The following DIAPH2 variants were observed in gnomAD, a reference collection of about 807,000 sequenced individuals.
DIAPH2 encodes the protein protein diaphanous homolog 2.
Under a neutral mutation model 92.7 loss-of-function variants are expected in DIAPH2, and 35 were observed. That is an observed-to-expected ratio of 0.38 (90% CI 0.29 to 0.50). The LOEUF (loss-of-function observed/expected upper bound fraction) is 0.50, where lower values mean the gene tolerates loss of function less well. Among genes scored for constraint, DIAPH2 ranks in the 20% least tolerant of loss-of-function variants. The pLI is 0.94. For synonymous variants in DIAPH2, 301 were observed against 280.4 expected (o/e 1.07, Z -0.73); for missense variants, 701 against 819.5 (o/e 0.86, Z 1.77).
chrX:96,824,261 T>G (rs1170849430), intron 4 of DIAPH2, among the ~76,000 whole-genome samples: 1 of 111,119 alleles, frequency 9.0e-6, no homozygotes, highest in Non-Finnish European at 1.9e-5. Flanking sequence ...GGGAAACAAT[T>G]GCAAACAGAT....
chrX:97,142,217 T>C (rs1437147574), intron 22 of DIAPH2, among the ~76,000 whole-genome samples: 1 of 111,462 alleles, frequency 9.0e-6, no homozygotes, highest in African/African-American at 3.3e-5. Flanking sequence ...TGTTATAAAA[T>C]AAGGATGCAT....
At chrX:96,898,866 C>T (rs1358040809) in intron 5 of DIAPH2, among the ~76,000 whole-genome samples, 5 of 108,124 alleles carry the variant, frequency 4.6e-5, no homozygotes, top group African/African-American at 1.0e-4. Context: ...TTAGGTCTAA[C>T]GTTTAAGTCT....
chrX:97,304,602 T>C (rs1437283179), intron 23 of DIAPH2, among the ~76,000 whole-genome samples: 1 of 112,453 alleles, frequency 8.9e-6, no homozygotes, highest in African/African-American at 3.2e-5. Flanking sequence ...CTTGTACATA[T>C]CTCTGTGATG....
intron 1 of DIAPH2, among the ~76,000 whole-genome samples, chrX:96,718,336 G>GTTTTTTTT (rs962776012): frequency 4.5e-4 from 5 of 10,993 alleles, no homozygotes; most frequent in Non-Finnish European, 5.5e-4. Flanking sequence ...CATTTTCTTT[G>GTTTTTTTT]TTTTTTTTTT....
chrX:97,253,005 G>A (rs913730646), intron 23 of DIAPH2, among the ~76,000 whole-genome samples: 1 of 111,299 alleles, frequency 9.0e-6, no homozygotes, highest in African/African-American at 3.3e-5. Context: ...AACCACAAGG[G>A]GGGCCGGGTG....
At chrX:97,384,162 G>T (rs1253541056) in intron 25 of DIAPH2, 118 bp downstream of exon 25, 1 of 633,387 alleles carries the variant, frequency 1.6e-6, no homozygotes, top group African/African-American at 2.3e-5. Flanking sequence ...TTAGTTACTT[G>T]TGCTAAATTT....
At chrX:96,943,773 G>T (rs1441607254) in intron 13 of DIAPH2, among the ~76,000 whole-genome samples, 2 of 111,151 alleles carry the variant, frequency 1.8e-5, no homozygotes, top group African/African-American at 6.5e-5. Context: ...TGTGTACCAG[G>T]TACTTATGAT....
At chrX:97,316,859 G>A (rs887067558) in intron 23 of DIAPH2, among the ~76,000 whole-genome samples, 2 of 111,900 alleles carry the variant, frequency 1.8e-5, no homozygotes, top group African/African-American at 3.2e-5. Context: ...ACAGTCTCAT[G>A]TAGATGGGGT....
intron 22 of DIAPH2, among the ~76,000 whole-genome samples, chrX:97,179,235 C>CTT (rs370073041): frequency 1.9e-3 from 169 of 88,089 alleles, no homozygotes; most frequent in Non-Finnish European, 3.6e-3. Context: ...CTGAGTGTGC[C>CTT]TTTTTTTTTT....
intron 26 of DIAPH2, among the ~76,000 whole-genome samples, chrX:97,541,677 G>C (rs752127252): frequency 2.1e-4 from 23 of 112,123 alleles, no homozygotes; most frequent in African/African-American, 6.8e-4. Flanking sequence ...CAGAGTGATT[G>C]TTCTCTTTTC....
At chrX:97,068,551 C>CA (rs975572751) in intron 17 of DIAPH2, among the ~76,000 whole-genome samples, 26 of 110,443 alleles carry the variant, frequency 2.4e-4, no homozygotes, top group African/African-American at 6.2e-4. Flanking sequence ...TAGAAAATAA[C>CA]AAAAAAAATC....
At chrX:97,035,849 A>G (rs1228072420) in intron 17 of DIAPH2, among the ~76,000 whole-genome samples, 1 of 110,225 alleles carries the variant, frequency 9.1e-6, no homozygotes, top group Non-Finnish European at 1.9e-5. Flanking sequence ...TCTCTACAAG[A>G]AATAAAAAAA....
chrX:97,345,256 A>G (rs1050900723), intron 23 of DIAPH2, among the ~76,000 whole-genome samples: 6 of 111,803 alleles, frequency 5.4e-5, no homozygotes, highest in African/African-American at 2.0e-4. Flanking sequence ...CTTGAGGACT[A>G]AAAGATTTAA....
chrX:97,317,959 T>A (rs962478847), intron 23 of DIAPH2, among the ~76,000 whole-genome samples: 2 of 112,041 alleles, frequency 1.8e-5, no homozygotes, highest in Non-Finnish European at 3.8e-5. Flanking sequence ...TATCATTTCT[T>A]TGCAGTGAGA....
At chrX:97,282,743 T>A (rs925507936) in intron 23 of DIAPH2, among the ~76,000 whole-genome samples, 1 of 112,362 alleles carries the variant, frequency 8.9e-6, no homozygotes, top group African/African-American at 3.2e-5. Flanking sequence ...TGACAATTTC[T>A]ACCTGAGGCA....
chrX:97,596,488 C>T (rs1306643603), intron 26 of DIAPH2, among the ~76,000 whole-genome samples: 4 of 110,043 alleles, frequency 3.6e-5, no homozygotes, highest in Admixed American at 1.9e-4. Flanking sequence ...GTATTTTTTT[C>T]ACTTAAACTA....
chrX:97,211,094 A>G (rs1363374053), intron 22 of DIAPH2, among the ~76,000 whole-genome samples: 1 of 111,947 alleles, frequency 8.9e-6, no homozygotes, highest in Non-Finnish European at 1.9e-5. Context: ...AAGAGTAAAT[A>G]TACAAACTTA....
intron 4 of DIAPH2, among the ~76,000 whole-genome samples, chrX:96,871,447 G>A (rs927893649): frequency 1.1e-5 from 1 of 86,979 alleles, no homozygotes; most frequent in African/African-American, 4.7e-5. Flanking sequence ...TCCAGCCTGG[G>A]CGACAGAGCG....
intron 24 of DIAPH2, among the ~76,000 whole-genome samples, chrX:97,378,947 G>T (rs1230590286): frequency 9.0e-6 from 1 of 111,518 alleles, no homozygotes; most frequent in Non-Finnish European, 1.9e-5. Flanking sequence ...TTACCAATTT[G>T]TTCACCATGA....
Sources: gnomAD v4.1 joint callset for allele counts (sites outside exome capture counted in the v4.1 genomes callset) on GRCh38, gnomAD v4.1.1 for gene constraint, MANE v1.5 for transcripts, NCBI Gene and HGNC (gene_info 2026-07-23, HGNC 2026-07-21) for gene names.